Variants in SCD5 observed in about 807,000 individuals in gnomAD.
The protein encoded by SCD5 is acyl-CoA-desaturase 4.
Under a neutral mutation model 30.4 loss-of-function variants are expected in SCD5, and 20 were observed. That is an observed-to-expected ratio of 0.66 (90% CI 0.46 to 0.96). The LOEUF (loss-of-function observed/expected upper bound fraction) is 0.96, where lower values mean the gene tolerates loss of function less well. SCD5 is among the 40% of genes least tolerant of loss of function. The pLI, the probability that SCD5 is intolerant of heterozygous loss-of-function variation, is 0.00. For missense variants in SCD5, 381 were observed against 443.3 expected, an observed-to-expected ratio of 0.86 and a Z score of 1.26; for synonymous variants, 173 against 176.4, an observed-to-expected ratio of 0.98 and a Z score of 0.16.
intron 1 of SCD5, among the ~76,000 whole-genome samples, chr4:82,722,331 A>G (rs547822708): frequency 4.6e-5 from 7 of 152,280 alleles, no homozygotes; most frequent in Admixed American, 3.9e-4. Context: ...GTAGCCTCCT[A>G]TGTCAGCACT....
intron 1 of SCD5, among the ~76,000 whole-genome samples, chr4:82,762,297 G>C (rs1459825457): frequency 6.6e-6 from 1 of 151,520 alleles, no homozygotes; most frequent in African/African-American, 2.4e-5. Context: ...CTGTTGCCCA[G>C]GCTGGTGTGC....
rs762891080 is a variant in SCD5, at chr4:82,680,719, C to T, written c.557G>A (p.Arg186Gln). 15 of 1,613,968 alleles carry T rather than the reference C, an allele frequency of 9.3e-6. No individual in the cohort carries two copies. Among genetic ancestry groups the T allele is most frequent in the East Asian group, 8.9e-5 (4 of 44,880 alleles). The change falls in exon 3 of 5, where the codon CGG becomes CAG. Residue 186 changes from arginine to glutamine, a missense_variant. Transcript: ENST00000319540. ...CCCATTCACTTACTTTCTCTGGATC[C>T]GGACCACAGGATCAGCAAGCAGGTC... ...VTDLLADPVV[R>Q]IQRKYYKISV...
intron 2 of SCD5, among the ~76,000 whole-genome samples, chr4:82,698,288 A>G (rs1042541489): frequency 5.3e-5 from 8 of 152,122 alleles, no homozygotes; most frequent in Non-Finnish European, 1.0e-4. Flanking sequence ...GAGCTGCACT[A>G]AAGTTCTGGT....
chr4:82,718,955 C>T (rs116393703), intron 1 of SCD5, among the ~76,000 whole-genome samples: 2,723 of 151,750 alleles, frequency 0.018, 51 homozygotes, highest in Non-Finnish European at 0.026. Flanking sequence ...CAAGCACGTA[C>T]GAGCACCTTC....
chr4:82,689,276 A>G (rs7684141), intron 2 of SCD5, among the ~76,000 whole-genome samples: 141,966 of 152,272 alleles, frequency 0.93, 66,243 homozygotes, highest in East Asian at 1. Flanking sequence ...AAATGACAGA[A>G]GAGCCACGTG....
At chr4:82,688,842 C>T (rs572787235) in intron 2 of SCD5, among the ~76,000 whole-genome samples, 4 of 152,290 alleles carry the variant, frequency 2.6e-5, no homozygotes, top group East Asian at 1.9e-4. Flanking sequence ...CTCTTAACAA[C>T]GAGAATGTAT....
At chr4:82,737,683 G>T (rs1350403742) in intron 1 of SCD5, among the ~76,000 whole-genome samples, 1 of 152,086 alleles carries the variant, frequency 6.6e-6, no homozygotes, top group Non-Finnish European at 1.5e-5. Context: ...AAAAATCAGG[G>T]ATACTATTTT....
chr4:82,706,331 T>G (rs1307987082), intron 1 of SCD5, among the ~76,000 whole-genome samples: 2 of 152,252 alleles, frequency 1.3e-5, no homozygotes, highest in Admixed American at 6.5e-5. Context: ...TGAAAAACAT[T>G]GGCTAAAAAA....
At chr4:82,748,977 C>T (rs1297733306) in intron 1 of SCD5, among the ~76,000 whole-genome samples, 4 of 152,136 alleles carry the variant, frequency 2.6e-5, no homozygotes, top group African/African-American at 2.4e-5. Context: ...AGATAGCCTC[C>T]GCCTCCCCTG....
chr4:82,762,431 C>T (rs574773859), intron 1 of SCD5, among the ~76,000 whole-genome samples: 179 of 152,084 alleles, frequency 1.2e-3, no homozygotes, highest in Non-Finnish European at 2.1e-3. Context: ...TTAGTAAAGA[C>T]GAGGTTTCAC....
chr4:82,774,448 C>T (rs1192176443), intron 1 of SCD5, among the ~76,000 whole-genome samples: 1 of 152,112 alleles, frequency 6.6e-6, no homozygotes, highest in Admixed American at 6.6e-5. Flanking sequence ...AAGGCTATAG[C>T]CCAAAATGTT....
At chr4:82,671,734 C>T (rs934554332) in intron 3 of SCD5, among the ~76,000 whole-genome samples, 1 of 152,068 alleles carries the variant, frequency 6.6e-6, no homozygotes, top group African/African-American at 2.4e-5. Context: ...AAAAGTGAGC[C>T]ATGCGTGGTG....
chr4:82,678,992 G>A (rs1728493165), intron 3 of SCD5, among the ~76,000 whole-genome samples: 2 of 151,850 alleles, frequency 1.3e-5, no homozygotes, highest in Admixed American at 1.3e-4. Flanking sequence ...GAGGTCAGGA[G>A]TTCAAGACCA....
At chr4:82,687,347 T>C (rs1046259584) in intron 2 of SCD5, among the ~76,000 whole-genome samples, 3 of 152,184 alleles carry the variant, frequency 2.0e-5, no homozygotes, top group African/African-American at 7.2e-5. Flanking sequence ...ATTGGGACTG[T>C]GGGTGACTCT....
chr4:82,782,197 G>A (rs931388654), intron 1 of SCD5, among the ~76,000 whole-genome samples: 2 of 151,540 alleles, frequency 1.3e-5, no homozygotes, highest in East Asian at 1.9e-4. Flanking sequence ...ATGACTGATC[G>A]AGGGAAGTGT....
chr4:82,674,225 T>A (rs1250682812), intron 3 of SCD5, among the ~76,000 whole-genome samples: 1 of 152,118 alleles, frequency 6.6e-6, no homozygotes. Flanking sequence ...CAGACAGGAA[T>A]AAAATATTTG....
At chr4:82,702,616 A>C (rs969113769) in intron 2 of SCD5, among the ~76,000 whole-genome samples, 1 of 152,008 alleles carries the variant, frequency 6.6e-6, no homozygotes, top group Non-Finnish European at 1.5e-5. Context: ...TCTAGCAAAA[A>C]CCCTGCTGAT....
intron 3 of SCD5, among the ~76,000 whole-genome samples, chr4:82,649,908 G>A (rs969425325): frequency 6.6e-6 from 1 of 152,158 alleles, no homozygotes; most frequent in Non-Finnish European, 1.5e-5. Flanking sequence ...TTCGTCTGGC[G>A]TGATTGTGCA....
intron 1 of SCD5, among the ~76,000 whole-genome samples, chr4:82,749,071 T>C (rs550832415): frequency 2.0e-5 from 3 of 152,318 alleles, no homozygotes; most frequent in Admixed American, 2.0e-4. Context: ...AAGTTTTTAT[T>C]AGTTTTACTT....
Sources: allele counts gnomAD v4.1 joint callset (sites outside exome capture counted in the v4.1 genomes callset), GRCh38; gene constraint gnomAD v4.1.1; transcripts MANE v1.5; gene names NCBI Gene and HGNC (gene_info 2026-07-23, HGNC 2026-07-21).